The following ATP6V1C2 variants were observed in gnomAD, a reference collection of about 807,000 sequenced individuals.
The protein encoded by ATP6V1C2 is ATPase H+ transporting V1 subunit C2, also known as V-type proton ATPase subunit C 2.
A neutral mutation model predicts 56.8 loss-of-function variants in ATP6V1C2; 45 were observed. The ratio of observed to expected loss-of-function variants is 0.79; its 90% CI spans 0.62 to 1.02. ATP6V1C2 has a LOEUF of 1.02. Ranked by LOEUF, ATP6V1C2 falls within the 50% of genes least tolerant of loss-of-function variation. ATP6V1C2 has a pLI of 0.00. For synonymous variants in ATP6V1C2, 220 were observed against 201.3 expected (o/e 1.09, Z -0.79); for missense variants, 463 against 519.7 (o/e 0.89, Z 1.06).
At position 10,782,272 on chromosome 2, in the gene ATP6V1C2, T is replaced by C. The variant is rs769132556; in HGVS notation, c.1091T>C (p.Val364Ala). 2 of 1,614,212 alleles carry C rather than the reference T, an allele frequency of 1.2e-6. No homozygotes were observed. The highest frequency in any genetic ancestry group is 1.7e-6 in the Non-Finnish European group (2 of 1,180,038). ...RYGLPVNFQAVLLQPHKKSST... is the reference protein window; with the variant it reads ...RYGLPVNFQAALLQPHKKSST... The stretch of plus-strand genomic sequence containing the variant: ...GGACTACCAGTGAACTTCCAGGCAG[T>C]GCTCCTGCAGCCGCATAAGAAGTCA... The change falls in exon 13 of 14, where the codon GTG becomes GCG. Residue 364 changes from valine (V) to alanine (A), a missense_variant. By Grantham distance (64) the Val-to-Ala change is moderately conservative (BLOSUM62 0). Coordinates refer to ENST00000272238, the MANE Select transcript of ATP6V1C2 (RefSeq NM_001039362.2).
chr2:10,736,801 C>CTTTTTTTTTTT (rs35166388), intron 3 of ATP6V1C2, among the ~76,000 whole-genome samples: 1 of 102,652 alleles, frequency 9.7e-6, no homozygotes, highest in Non-Finnish European at 2.1e-5. Context: ...AGATATTGTG[C>CTTTTTTTTTTT]TTTTTTTTTT....
At chr2:10,756,079 C>T (rs906475024) in intron 4 of ATP6V1C2, among the ~76,000 whole-genome samples, 2 of 152,148 alleles carry the variant, frequency 1.3e-5, no homozygotes, top group Admixed American at 1.3e-4. Context: ...TATACTGGGC[C>T]AGTGTGGTGG....
chr2:10,748,842 T>A (rs1164683981), intron 3 of ATP6V1C2, among the ~76,000 whole-genome samples: 1 of 151,680 alleles, frequency 6.6e-6, no homozygotes, highest in Admixed American at 6.6e-5. Flanking sequence ...AAGAATGGAG[T>A]CTTCTGGCTG....
At chr2:10,762,143 A>AC (rs1663947927) in intron 4 of ATP6V1C2, among the ~76,000 whole-genome samples, 1 of 141,152 alleles carries the variant, frequency 7.1e-6, no homozygotes, top group South Asian at 2.2e-4. Context: ...GTTGAAGCAT[A>AC]AATTTTTTTT....
At chr2:10,727,017 G>A (rs1450857310) in intron 3 of ATP6V1C2, among the ~76,000 whole-genome samples, 7 of 151,154 alleles carry the variant, frequency 4.6e-5, no homozygotes, top group Non-Finnish European at 8.8e-5. Flanking sequence ...TTCAACACCA[G>A]CCTGGACAAT....
chr2:10,724,540 CTG>C (rs1661534415), intron 2 of ATP6V1C2, among the ~76,000 whole-genome samples: 2 of 152,190 alleles, frequency 1.3e-5, no homozygotes, highest in South Asian at 4.1e-4. Context: ...GTGTGAGGCA[CTG>C]TGCTGGACTC....
At position 10,780,000 on chromosome 2, in the gene ATP6V1C2, A is replaced by C. The variant is rs566315947; in HGVS notation, c.1061+1331A>C. On this transcript the variant is annotated intron_variant, in intron 12 of 13. Transcript: ENST00000272238. ...GACTCGCGGCCTCCTGGGCTCCTCC[A>C]GCCCCTGAGACCCTCTGTGTGACCT... is the stretch of plus-strand genomic sequence containing the variant. Among the ~76,000 whole-genome samples, 21 of 152,154 alleles carry C rather than the reference A, an allele frequency of 1.4e-4. 1 individual carries two copies. In the South Asian group the frequency reaches 4.1e-3, roughly 30 times the overall value.
At position 10,723,135 on chromosome 2, in the gene ATP6V1C2, T is replaced by G. The variant is rs148726148; in HGVS notation, c.129+157T>G. On this transcript the variant is annotated intron_variant, in intron 2 of 13. Transcript: ENST00000272238. ...GGTTTGAGGATGGACGGGGAGGTGATGGGCTAGGTGGGATATCATGCCATA... is the reference window on the plus strand; with the variant it reads ...GGTTTGAGGATGGACGGGGAGGTGAGGGGCTAGGTGGGATATCATGCCATA... Among the ~76,000 whole-genome samples, 850 of 152,088 alleles carry G rather than the reference T, an allele frequency of 5.6e-3. 8 individuals are homozygous for G. The highest frequency in any genetic ancestry group is 0.019 in the African/African-American group (788 of 41,498).
intron 3 of ATP6V1C2, among the ~76,000 whole-genome samples, chr2:10,734,629 G>A (rs1374917566): frequency 6.6e-6 from 1 of 152,060 alleles, no homozygotes; most frequent in Admixed American, 6.6e-5. Flanking sequence ...AGGCAGACAG[G>A]GGTGGCAGAG....
At chr2:10,773,927 G>A (rs979749153) in intron 8 of ATP6V1C2, among the ~76,000 whole-genome samples, 2 of 152,228 alleles carry the variant, frequency 1.3e-5, no homozygotes, top group Admixed American at 6.5e-5. Context: ...AGGTTACAGG[G>A]GAGGCAGGGA....
chr2:10,727,126 A>G (rs1474748188), intron 3 of ATP6V1C2, among the ~76,000 whole-genome samples: 4 of 142,780 alleles, frequency 2.8e-5, no homozygotes, highest in African/African-American at 7.7e-5. Flanking sequence ...CTGGAGTACA[A>G]TGGTCTGATC....
intron 5 of ATP6V1C2, among the ~76,000 whole-genome samples, chr2:10,765,001 T>C (rs1572579604): frequency 6.6e-6 from 1 of 150,454 alleles, no homozygotes; most frequent in Non-Finnish European, 1.5e-5. Flanking sequence ...TTACTGATGG[T>C]GAAGGCAGCT....
At position 10,731,930 on chromosome 2, in the gene ATP6V1C2, A is replaced by G. The variant is rs184645307; in HGVS notation, c.197+5361A>G. The stretch of plus-strand genomic sequence containing the variant: ...CGAGGCTGCAGTGAGCAGAGATCAC[A>G]CCACTGCACTCCAGCCTGGGCAACA... On this transcript the variant is annotated intron_variant, in intron 3 of 13. Transcript: ENST00000272238. Among the ~76,000 whole-genome samples, 578 of 152,058 alleles carry G rather than the reference A, an allele frequency of 3.8e-3. 3 individuals carry two copies. Among genetic ancestry groups the G allele is most frequent in the African/African-American group, 0.013 (553 of 41,470 alleles).
intron 3 of ATP6V1C2, among the ~76,000 whole-genome samples, chr2:10,738,404 T>C (rs1454807127): frequency 1.3e-5 from 2 of 152,226 alleles, no homozygotes; most frequent in African/African-American, 2.4e-5. Flanking sequence ...GAATGTTGGC[T>C]GGCCACTTTA....
chr2:10,723,777 T>A (rs975667125), intron 2 of ATP6V1C2, among the ~76,000 whole-genome samples: 5 of 147,448 alleles, frequency 3.4e-5, no homozygotes, highest in Non-Finnish European at 5.9e-5. Context: ...AGGTGGAGCT[T>A]GCAGTGAGCC....
At chr2:10,758,662 T>C (rs1572565472) in intron 4 of ATP6V1C2, among the ~76,000 whole-genome samples, 1 of 152,200 alleles carries the variant, frequency 6.6e-6, no homozygotes, top group East Asian at 1.9e-4. Flanking sequence ...AGACCTTTTT[T>C]TTTTTTTCTT....
intron 8 of ATP6V1C2, 89 bp from the exon 9 acceptor site, chr2:10,774,699 G>C (rs1057374808): frequency 4.5e-6 from 5 of 1,122,968 alleles, no homozygotes; most frequent in Non-Finnish European, 6.7e-6. Context: ...TGGACCCCAG[G>C]TGCAGGCCAC....
chr2:10,777,064 G>C (rs1665039020), intron 10 of ATP6V1C2, among the ~76,000 whole-genome samples: 1 of 152,234 alleles, frequency 6.6e-6, no homozygotes, highest in Non-Finnish European at 1.5e-5. Flanking sequence ...TTTGAGAGCA[G>C]AGTGGGATGT....
intron 6 of ATP6V1C2, 91 bp from the exon 7 acceptor site, chr2:10,771,748 T>C: frequency 1.1e-6 from 1 of 947,078 alleles, no homozygotes; most frequent in South Asian, 1.4e-5. Context: ...CCTTGAGAAC[T>C]GCCCCCAGTG....
Sources: gnomAD v4.1 joint callset for allele counts (sites outside exome capture counted in the v4.1 genomes callset) on GRCh38, gnomAD v4.1.1 for gene constraint, MANE v1.5 for transcripts, NCBI Gene and HGNC (gene_info 2026-07-23, HGNC 2026-07-21) for gene names.